EBF2: variants seen among roughly 807,000 people sequenced by gnomAD.
EBF2 encodes the protein transcription factor COE2.
A neutral mutation model predicts 72.8 loss-of-function variants in EBF2; 21 were observed. The observed-to-expected ratio is 0.29, with a 90% CI of 0.20 to 0.42. The LOEUF (loss-of-function observed/expected upper bound fraction) is 0.42. EBF2 is among the 10% of genes least tolerant of loss of function. The pLI is 1.00. For synonymous variants in EBF2, 299 were observed against 274.2 expected, an observed-to-expected ratio of 1.09 and a Z score of -0.89; for missense variants, 637 against 731.2, an observed-to-expected ratio of 0.87 and a Z score of 1.49.
chr8:25,851,551 A>G (rs997975907), intron 14 of EBF2, among the ~76,000 whole-genome samples: 12 of 152,170 alleles, frequency 7.9e-5, no homozygotes, highest in African/African-American at 2.9e-4. Context: ...ATATCATGCA[A>G]GATGATAATT....
chr8:25,916,960 A>C (rs543701145), intron 6 of EBF2, among the ~76,000 whole-genome samples: 3 of 152,216 alleles, frequency 2.0e-5, no homozygotes, highest in African/African-American at 7.2e-5. Context: ...TACTTCCCCC[A>C]CTATGTAAAT....
chr8:25,865,043 C>T lies in EBF2; in HGVS notation c.1010-2246G>A, dbSNP rs548627792. Among the ~76,000 whole-genome samples, 11 of 152,172 alleles carry T rather than the reference C, an allele frequency of 7.2e-5. No homozygotes were observed. The East Asian group carries it at 1.5e-3, about 21-fold the overall frequency. ...GTCCCGAACTCCTGACCTCGTGATC[C>T]GCCTGCCTCGGCCTCACAAAGTGCT... is the stretch of plus-strand genomic sequence containing the variant. On this transcript the variant is annotated intron_variant, in intron 10 of 15. Coordinates refer to ENST00000520164, the MANE Select transcript of EBF2 (RefSeq NM_022659.4).
intron 6 of EBF2, among the ~76,000 whole-genome samples, chr8:25,964,691 T>C (rs1804087294): frequency 6.6e-6 from 1 of 152,162 alleles, no homozygotes; most frequent in Non-Finnish European, 1.5e-5. Flanking sequence ...GTTAAAACCA[T>C]GAAACCATAT....
intron 6 of EBF2, among the ~76,000 whole-genome samples, chr8:25,926,985 A>G (rs1803397930): frequency 6.6e-6 from 1 of 152,194 alleles, no homozygotes; most frequent in South Asian, 2.1e-4. Flanking sequence ...TGTGATGGTT[A>G]GTTCTTGTCA....
intron 5 of EBF2, among the ~76,000 whole-genome samples, chr8:26,037,488 A>G (rs2117262507): frequency 6.6e-6 from 1 of 152,290 alleles, no homozygotes; most frequent in Non-Finnish European, 1.5e-5. Flanking sequence ...CGATTGCATA[A>G]CAAAAGTGTC....
chr8:25,886,881 G>C lies in EBF2; in HGVS notation c.883C>G (p.Leu295Val). Reference sequence around the variant, plus strand: ...ACTCTGATGGCATGAGGGGTTATTAGCTGAGGAATGAACAGGCAGGGAAAT... The same window carrying C: ...ACTCTGATGGCATGAGGGGTTATTACCTGAGGAATGAACAGGCAGGGAAAT... The part of the protein sequence containing the change: ...VFGTMLVWSE[L>V]ITPHAIRVQT... Residue 295 changes from leucine to valine, a missense_variant and splice_region_variant, in exon 10 of 16, where the codon CTA (leucine) becomes GTA (valine). Transcript: ENST00000520164. 1 of 1,611,732 alleles carries C rather than the reference G, an allele frequency of 6.2e-7. No homozygotes were observed. The highest frequency in any genetic ancestry group is 8.5e-7 in the Non-Finnish European group (1 of 1,178,900).
chr8:25,866,144 T>A lies in EBF2; in HGVS notation c.1010-3347A>T, dbSNP rs944276540. Among the ~76,000 whole-genome samples the A allele has an allele frequency of 1.3e-4, 20 of 152,170 alleles. No individual in the cohort carries two copies. The South Asian group carries it at 2.3e-3, about 17-fold the overall frequency. On this transcript the variant is annotated intron_variant, in intron 10 of 15. Transcript: ENST00000520164. ...CATTCATATCATCTACTTACAGTGA[T>A]CATTTTGTCTCCTTTTGATAGATGC...
chr8:25,915,634 C>T (rs1302374762), intron 6 of EBF2, among the ~76,000 whole-genome samples: 3 of 144,926 alleles, frequency 2.1e-5, no homozygotes, highest in Non-Finnish European at 3.0e-5. Flanking sequence ...AAAGGTTACT[C>T]AAGTGCATGA....
chr8:25,922,555 T>C (rs1029182303), intron 6 of EBF2, among the ~76,000 whole-genome samples: 2 of 152,174 alleles, frequency 1.3e-5, no homozygotes, highest in Non-Finnish European at 2.9e-5. Flanking sequence ...AGCCACCCAT[T>C]TCCTCTGCCA....
chr8:25,885,757 G>A (rs1275525095), intron 10 of EBF2, among the ~76,000 whole-genome samples: 1 of 152,096 alleles, frequency 6.6e-6, no homozygotes, highest in African/African-American at 2.4e-5. Context: ...TTCGCCTTCT[G>A]CCATGAATAT....
chr8:25,846,819 T>C (rs1801847515), intron 15 of EBF2, among the ~76,000 whole-genome samples: 1 of 152,122 alleles, frequency 6.6e-6, no homozygotes, highest in South Asian at 2.1e-4. Flanking sequence ...TTGAGATATA[T>C]CCCTTCCTCC....
In EBF2 at chr8:25,904,829, C is replaced by A. The variant is rs569769600; in HGVS notation, c.633+3645G>T. 1.1e-4 allele frequency among the ~76,000 whole-genome samples: 17 copies of A among 152,248 alleles called. No homozygotes were observed. In the South Asian group the frequency reaches 3.5e-3, roughly 32 times the overall value. Reference sequence around the variant, plus strand: ...GAGAGCTTTCATTGAAGGTTATATTCTTAGTAGAATCTAAGTACAGTATAA... The same window carrying A: ...GAGAGCTTTCATTGAAGGTTATATTATTAGTAGAATCTAAGTACAGTATAA... On this transcript the variant is annotated intron_variant, in intron 7 of 15. Transcript: ENST00000520164.
chr8:25,983,792 G>A (rs1038514242), intron 6 of EBF2, among the ~76,000 whole-genome samples: 1 of 152,216 alleles, frequency 6.6e-6, no homozygotes, highest in Non-Finnish European at 1.5e-5. Context: ...GCTGACACCC[G>A]AGTGCTGAAG....
chr8:25,847,085 C>T (rs939737998), intron 15 of EBF2, among the ~76,000 whole-genome samples: 2 of 152,130 alleles, frequency 1.3e-5, no homozygotes, highest in South Asian at 4.1e-4. Context: ...TCCTGTGTGG[C>T]CTTGGGTAAA....
chr8:25,956,683 C>A (rs961413579), intron 6 of EBF2, among the ~76,000 whole-genome samples: 6 of 152,182 alleles, frequency 3.9e-5, no homozygotes, highest in Non-Finnish European at 8.8e-5. Flanking sequence ...GTATTTCTGA[C>A]CCAGAATCAG....
chr8:25,848,952 G>A (rs1026268508), intron 15 of EBF2, among the ~76,000 whole-genome samples: 4 of 152,170 alleles, frequency 2.6e-5, no homozygotes, highest in African/African-American at 7.2e-5. Context: ...TTCAGCAATC[G>A]TTTTCATTTC....
At chr8:25,849,324 G>A (rs752597309) in intron 15 of EBF2, among the ~76,000 whole-genome samples, 5 of 152,060 alleles carry the variant, frequency 3.3e-5, no homozygotes, top group East Asian at 1.9e-4. Flanking sequence ...GGAACCTAAC[G>A]TACCTCCCAG....
intron 10 of EBF2, among the ~76,000 whole-genome samples, chr8:25,863,055 A>G (rs1460061693): frequency 7.2e-6 from 1 of 138,966 alleles, no homozygotes; most frequent in Admixed American, 6.9e-5. Context: ...CTTCTCTGCT[A>G]TCAAATAAAA....
At chr8:25,967,885 T>C (rs1018129500) in intron 6 of EBF2, among the ~76,000 whole-genome samples, 5 of 152,066 alleles carry the variant, frequency 3.3e-5, no homozygotes, top group Admixed American at 3.3e-4. Context: ...CAAATAGGAG[T>C]GTCATTGAGA....
Sources: gnomAD v4.1 joint callset for allele counts (sites outside exome capture counted in the v4.1 genomes callset) on GRCh38, gnomAD v4.1.1 for gene constraint, MANE v1.5 for transcripts, NCBI Gene and HGNC (gene_info 2026-07-23, HGNC 2026-07-21) for gene names.